LAMA2: variants seen among roughly 807,000 people sequenced by gnomAD.
LAMA2 encodes laminin subunit alpha-2.
In LAMA2, 269 loss-of-function variants were observed where a neutral mutation model predicts 364.8. That is an observed-to-expected ratio of 0.74 (90% confidence interval 0.67 to 0.82). LAMA2 has a LOEUF of 0.82. Among genes scored for constraint, LAMA2 ranks in the 40% least tolerant of loss-of-function variants. LAMA2 has a pLI of 0.00. For synonymous variants in LAMA2, 1,379 were observed against 1,370.6 expected (o/e 1.01, Z -0.14); for missense variants, 3,807 against 3,873.2 (o/e 0.98, Z 0.45).
At position 129,200,158 on chromosome 6, in the gene LAMA2, A is replaced by ATACATGTG. The variant is rs1782122915; in HGVS notation, c.1782+7307_1782+7308insCATGTGTA. ...TACGTGTACACATATACACGTGTAT[A>ATACATGTG]TATATATACGTGTACACATATACAT... On this transcript the variant is annotated intron_variant, in intron 12 of 64. Coordinates refer to ENST00000421865, the MANE Select transcript of LAMA2 (RefSeq NM_000426.4). Among the ~76,000 whole-genome samples, 6 of 145,770 alleles carry ATACATGTG rather than the reference A, an allele frequency of 4.1e-5. 1 individual carries two copies. The highest frequency in any genetic ancestry group is 1.5e-4 in the African/African-American group (6 of 40,028).
In LAMA2 at chr6:129,515,962, C is replaced by T. The variant is rs376297363; in HGVS notation, c.9212-228C>T. Among the ~76,000 whole-genome samples, 25 of 152,134 alleles carry T rather than the reference C, an allele frequency of 1.6e-4. No individual in the cohort carries two copies. The South Asian group carries it at 3.3e-3, about 20-fold the overall frequency. On this transcript the variant is annotated intron_variant, in intron 64 of 64. Coordinates refer to ENST00000421865, the MANE Select transcript of LAMA2 (RefSeq NM_000426.4). Reference sequence around the variant, plus strand: ...TTGAGGCTGCAGTAAGCCTTGATTGCGCCATTGCACTCCAGCCTGGGCAAC... The same window carrying T: ...TTGAGGCTGCAGTAAGCCTTGATTGTGCCATTGCACTCCAGCCTGGGCAAC...
intron 4 of LAMA2, among the ~76,000 whole-genome samples, chr6:129,110,923 A>AC (rs11451312): frequency 0.26 from 39,865 of 151,882 alleles, 5,978 homozygotes; most frequent in African/African-American, 0.42. Flanking sequence ...AATCAGTCTT[A>AC]ACAGGAAAGA....
chr6:128,953,619 GTGT>G (rs371453383), intron 1 of LAMA2, among the ~76,000 whole-genome samples: 17,431 of 151,612 alleles, frequency 0.11, 1,131 homozygotes, highest in African/African-American at 0.18. Flanking sequence ...GTGTGTGTGT[GTGT>G]GTGAATGTAT....
At chr6:128,928,012 G>C (rs1779202674) in intron 1 of LAMA2, among the ~76,000 whole-genome samples, 1 of 152,212 alleles carries the variant, frequency 6.6e-6, no homozygotes, top group Admixed American at 6.5e-5. Context: ...ACACTGGAAA[G>C]CCTCTCTGGG....
chr6:129,079,291 T>A (rs1773876200), intron 3 of LAMA2, among the ~76,000 whole-genome samples: 1 of 152,156 alleles, frequency 6.6e-6, no homozygotes, highest in African/African-American at 2.4e-5. Flanking sequence ...TTGTTAAATC[T>A]CTTACTGTGC....
intron 29 of LAMA2, among the ~76,000 whole-genome samples, chr6:129,333,564 A>G (rs1194953731): frequency 6.6e-6 from 1 of 152,186 alleles, no homozygotes; most frequent in Non-Finnish European, 1.5e-5. Context: ...ACCATAAATG[A>G]TATTATTGAC....
chr6:129,221,413 A>C (rs1185739770), intron 12 of LAMA2, among the ~76,000 whole-genome samples: 2 of 151,672 alleles, frequency 1.3e-5, no homozygotes, highest in Non-Finnish European at 2.9e-5. Flanking sequence ...AAAAAAAAAA[A>C]AATCAACAAT....
At chr6:129,415,519 A>T (rs1780740423) in intron 40 of LAMA2, among the ~76,000 whole-genome samples, 1 of 152,118 alleles carries the variant, frequency 6.6e-6, no homozygotes, top group Admixed American at 6.5e-5. Flanking sequence ...TGGGTACAAT[A>T]ACTGCAAAAG....
chr6:129,365,994 C>T (rs900473602), intron 32 of LAMA2, among the ~76,000 whole-genome samples: 9 of 152,098 alleles, frequency 5.9e-5, no homozygotes, highest in African/African-American at 2.2e-4. Flanking sequence ...TTTATATTAT[C>T]GCCTCTATTT....
intron 35 of LAMA2, among the ~76,000 whole-genome samples, chr6:129,387,868 A>G (rs570774477): frequency 1.3e-5 from 2 of 152,304 alleles, no homozygotes; most frequent in East Asian, 1.9e-4. Flanking sequence ...CACATGGACA[A>G]GGAGGGGAAC....
At chr6:129,243,207 A>C (rs1425209106) in intron 12 of LAMA2, among the ~76,000 whole-genome samples, 1 of 152,128 alleles carries the variant, frequency 6.6e-6, no homozygotes, top group South Asian at 2.1e-4. Flanking sequence ...AGCTGAGTAC[A>C]TGGAAAGTAT....
intron 45 of LAMA2, among the ~76,000 whole-genome samples, chr6:129,446,747 TTAG>T (rs1041991684): frequency 6.6e-6 from 1 of 152,126 alleles, no homozygotes; most frequent in African/African-American, 2.4e-5. Flanking sequence ...GTTTATATTT[TTAG>T]TAGTATTTAA....
intron 12 of LAMA2, among the ~76,000 whole-genome samples, chr6:129,201,469 G>A (rs1782280675): frequency 6.6e-6 from 1 of 152,130 alleles, no homozygotes; most frequent in Non-Finnish European, 1.5e-5. Context: ...AGTAGTAAGA[G>A]AAACAATTCC....
intron 3 of LAMA2, among the ~76,000 whole-genome samples, chr6:129,078,792 T>C (rs1773831376): frequency 6.6e-6 from 1 of 152,150 alleles, no homozygotes; most frequent in Non-Finnish European, 1.5e-5. Flanking sequence ...AAATAATAAC[T>C]CCCCATTCTC....
chr6:129,479,369 T>A (rs1054024781), intron 54 of LAMA2, among the ~76,000 whole-genome samples: 1 of 152,170 alleles, frequency 6.6e-6, no homozygotes, highest in Non-Finnish European at 1.5e-5. Context: ...AGTCCTTTGT[T>A]AGCTGATATC....
At chr6:128,919,764 T>C (rs1392044895) in intron 1 of LAMA2, among the ~76,000 whole-genome samples, 1 of 152,204 alleles carries the variant, frequency 6.6e-6, no homozygotes, top group Non-Finnish European at 1.5e-5. Flanking sequence ...TGATTGACCT[T>C]AGTATAAAAT....
At chr6:129,179,818 A>G (rs1007614562) in intron 10 of LAMA2, among the ~76,000 whole-genome samples, 1 of 152,178 alleles carries the variant, frequency 6.6e-6, no homozygotes, top group Non-Finnish European at 1.5e-5. Flanking sequence ...TTCATAAAAC[A>G]TCTACATAAT....
intron 64 of LAMA2, among the ~76,000 whole-genome samples, chr6:129,515,777 A>ATAAC (rs1243083229): frequency 1.3e-5 from 2 of 152,308 alleles, no homozygotes; most frequent in Non-Finnish European, 1.5e-5. Context: ...TTCATATGTT[A>ATAAC]TAACTATTAA....
intron 12 of LAMA2, among the ~76,000 whole-genome samples, chr6:129,238,580 A>T (rs139247575): frequency 0.072 from 1,801 of 25,178 alleles, 36 homozygotes; most frequent in African/African-American, 0.11. Context: ...TGTGTGTGAG[A>T]GAGAGAGAGA....
Sources: gnomAD v4.1 joint callset for allele counts (sites outside exome capture counted in the v4.1 genomes callset) on GRCh38, gnomAD v4.1.1 for gene constraint, MANE v1.5 for transcripts, NCBI Gene and HGNC (gene_info 2026-07-23, HGNC 2026-07-21) for gene names.